Variants in KMT2C observed in about 807,000 individuals in gnomAD.
KMT2C encodes the protein histone-lysine N-methyltransferase 2C.
In KMT2C, 88 loss-of-function variants were observed where a neutral mutation model predicts 507.9. The observed-to-expected ratio is 0.17, with a 90% CI of 0.15 to 0.21. The LOEUF (loss-of-function observed/expected upper bound fraction) is 0.21, where lower values mean the gene tolerates loss of function less well. Ranked by LOEUF, KMT2C falls within the 10% of genes least tolerant of loss-of-function variation. KMT2C has a pLI of 1.00. For missense variants in KMT2C, 4,954 were observed against 5,957.8 expected, an observed-to-expected ratio of 0.83 and a Z score of 5.55; for synonymous variants, 2,049 against 2,080.8, an observed-to-expected ratio of 0.98 and a Z score of 0.42.
In KMT2C at chr7:152,322,408, G is replaced by A. The variant is rs10232439; in HGVS notation, c.390-7070C>T. On this transcript the variant is annotated intron_variant, in intron 3 of 58. Transcript: ENST00000262189. ...ACCAATGGAACAGGAATGAACTCAC[G>A]CATTTACACTAAGTTGATTTATAAC... Among the ~76,000 whole-genome samples, 1,440 of 151,992 alleles carry A rather than the reference G, an allele frequency of 9.5e-3. 26 individuals are homozygous for A. The highest frequency in any genetic ancestry group is 0.033 in the African/African-American group (1,382 of 41,510).
chr7:152,383,602 A>C (rs905451713), intron 1 of KMT2C, among the ~76,000 whole-genome samples: 1 of 152,226 alleles, frequency 6.6e-6, no homozygotes, highest in Non-Finnish European at 1.5e-5. Context: ...TTAGATAAGA[A>C]GGGGGTCATA....
chr7:152,238,988 G>A (rs2095334381), intron 14 of KMT2C, 162 bp from the exon 15 acceptor site: 1 of 571,696 alleles, frequency 1.7e-6, no homozygotes, highest in Non-Finnish European at 3.1e-6. Context: ...CACTAACAGT[G>A]ATTTAAACAT....
At chr7:152,291,544 A>G (rs2096427755) in intron 6 of KMT2C, among the ~76,000 whole-genome samples, 1 of 152,308 alleles carries the variant, frequency 6.6e-6, no homozygotes, top group African/African-American at 2.4e-5. Flanking sequence ...AACGCATCTT[A>G]GCGGATTCCA....
chr7:152,375,850 AG>A, intron 1 of KMT2C, among the ~76,000 whole-genome samples: 1 of 151,600 alleles, frequency 6.6e-6, no homozygotes, highest in Non-Finnish European at 1.5e-5. Flanking sequence ...TGGTTGAGAA[AG>A]GGTCTTGTTC....
intron 50 of KMT2C, 77 bp from the exon 51 acceptor site, chr7:152,151,084 A>T: frequency 1.2e-6 from 1 of 859,404 alleles, no homozygotes. Context: ...CATTATTTTT[A>T]TGTTATATTC....
At chr7:152,314,744 C>T (rs986513327) in intron 4 of KMT2C, among the ~76,000 whole-genome samples, 17 of 152,054 alleles carry the variant, frequency 1.1e-4, no homozygotes, top group African/African-American at 3.9e-4. Context: ...ATGTTATATT[C>T]TTAAAATTAA....
intron 1 of KMT2C, among the ~76,000 whole-genome samples, chr7:152,374,685 G>A (rs932571873): frequency 6.6e-6 from 1 of 151,912 alleles, no homozygotes; most frequent in Admixed American, 6.6e-5. Context: ...GATCACTTAA[G>A]GTCAGGAGTT....
chr7:152,281,445 A>T (rs1367713011), intron 6 of KMT2C, among the ~76,000 whole-genome samples: 1 of 152,154 alleles, frequency 6.6e-6, no homozygotes, highest in Non-Finnish European at 1.5e-5. Flanking sequence ...CTTTATTCCC[A>T]TCTACGCCAG....
intron 2 of KMT2C, among the ~76,000 whole-genome samples, chr7:152,331,850 C>T (rs184816451): frequency 5.9e-5 from 9 of 151,522 alleles, no homozygotes; most frequent in African/African-American, 2.2e-4. Context: ...GGTTTCACCA[C>T]GTTGGCCAGG....
chr7:152,282,397 C>T lies in KMT2C; in HGVS notation c.850-8530G>A, dbSNP rs554365112. 2.2e-4 allele frequency among the ~76,000 whole-genome samples: 34 copies of T among 151,728 alleles called. No individual in the cohort carries two copies. The South Asian group carries it at 4.4e-3, about 20-fold the overall frequency. Reference sequence around the variant, plus strand: ...ACCAAAAGAAATGTACTGCAATGTTCATAGAACACAATTCATAATGACCTC... The same window carrying T: ...ACCAAAAGAAATGTACTGCAATGTTTATAGAACACAATTCATAATGACCTC... On this transcript the variant is annotated intron_variant, in intron 6 of 58. Transcript: ENST00000262189.
chr7:152,327,495 A>C (rs2096839680), intron 3 of KMT2C, among the ~76,000 whole-genome samples: 1 of 152,202 alleles, frequency 6.6e-6, no homozygotes, highest in African/African-American at 2.4e-5. Flanking sequence ...CACCTGCTCT[A>C]AACTAGCAAA....
intron 2 of KMT2C, among the ~76,000 whole-genome samples, chr7:152,331,678 C>T (rs1223988746): frequency 3.0e-5 from 4 of 132,916 alleles, no homozygotes; most frequent in African/African-American, 8.4e-5. Context: ...GATGGAGTCT[C>T]GCTCTGTCCA....
chr7:152,295,901 C>T (rs1166275813), intron 6 of KMT2C, among the ~76,000 whole-genome samples: 1 of 151,272 alleles, frequency 6.6e-6, no homozygotes, highest in Admixed American at 6.6e-5. Context: ...CCCGTCTCTA[C>T]TAAAAATACA....
chr7:152,280,886 T>C (rs1294131254), intron 6 of KMT2C, among the ~76,000 whole-genome samples: 1 of 152,148 alleles, frequency 6.6e-6, no homozygotes, highest in Non-Finnish European at 1.5e-5. Flanking sequence ...TTACACAATG[T>C]CTTAACACTA....
intron 48 of KMT2C, 126 bp downstream of exon 48, chr7:152,153,884 C>A: frequency 1.1e-6 from 1 of 917,822 alleles, no homozygotes; most frequent in Admixed American, 2.3e-5. Context: ...CAGTGAGCAT[C>A]AGCTCTGCTC....
In KMT2C at chr7:152,194,461, G is replaced by C. The variant is rs1203475609; in HGVS notation, c.4486C>G (p.Leu1496Val). Residue 1496 changes from leucine (L) to valine (V), a missense_variant, in exon 29 of 59, where the codon CTA becomes GTA. Around this residue, in one of 29 missense-constraint regions of KMT2C, gnomAD observed 6 missense variants for 20.8 expected, o/e 0.29. Coordinates refer to ENST00000262189, the MANE Select transcript of KMT2C (RefSeq NM_170606.3). ...TTACCATCTGTGACCATTTTGTCTA[G>C]TTCAGGACTGAGGATCCCATCTAGC... ...EQLDGILSPE[L>V]DKMVTDGAIL... The C allele has an allele frequency of 6.2e-7, 1 of 1,613,468 alleles. No individual in the cohort carries two copies. Among genetic ancestry groups the C allele is most frequent in the Non-Finnish European group, 8.5e-7 (1 of 1,179,650 alleles).
At position 152,311,893 on chromosome 7, in the gene KMT2C, G is replaced by A. The variant is rs375186454; in HGVS notation, c.644C>T (p.Thr215Ile). 3.1e-6 allele frequency: 5 copies of A among 1,610,922 alleles called. No individual in the cohort carries two copies. The highest frequency in any genetic ancestry group is 3.4e-6 in the Non-Finnish European group (4 of 1,177,634). ...TTTACCAGCTTGATCATCTGAAGCT[G>A]TCTGGGTGCTTACACTTACACAAGA... Reference protein sequence around the residue: ...IVSCVSVSTQTASDDQAGKLW... With the variant: ...IVSCVSVSTQIASDDQAGKLW... Residue 215 changes from threonine to isoleucine, a missense_variant, in exon 5 of 59, where the codon ACA (threonine) becomes ATA (isoleucine). This residue lies in a region of KMT2C where 233 missense variants were observed against 263.6 expected (regional missense o/e 0.88). Transcript: ENST00000262189.
chr7:152,305,743 G>T (rs1040301775), intron 6 of KMT2C, among the ~76,000 whole-genome samples: 8 of 152,082 alleles, frequency 5.3e-5, no homozygotes, highest in African/African-American at 1.9e-4. Flanking sequence ...CTTCAGGTAG[G>T]TTCCCGTGCT....
At chr7:152,300,763 A>C (rs2096558735) in intron 6 of KMT2C, among the ~76,000 whole-genome samples, 1 of 152,092 alleles carries the variant, frequency 6.6e-6, no homozygotes, top group Non-Finnish European at 1.5e-5. Flanking sequence ...CCTTCCTCTT[A>C]AACTATAAAG....
Sources: allele counts gnomAD v4.1 joint callset (sites outside exome capture counted in the v4.1 genomes callset), GRCh38; gene constraint gnomAD v4.1.1; regional missense constraint gnomAD v4.1.1; transcripts MANE v1.5; gene names NCBI Gene and HGNC (gene_info 2026-07-23, HGNC 2026-07-21).